Variants in FRMPD4 observed in about 807,000 individuals in gnomAD.
FRMPD4 encodes FERM and PDZ domain containing 4.
In FRMPD4, 22 loss-of-function variants were observed where a neutral mutation model predicts 94.1. The observed-to-expected ratio is 0.23, with a 90% CI of 0.17 to 0.33. The LOEUF (loss-of-function observed/expected upper bound fraction) is 0.33, where lower values mean the gene tolerates loss of function less well. Ranked by LOEUF, FRMPD4 falls within the 10% of genes least tolerant of loss-of-function variation. The probability of loss-of-function intolerance (pLI) is 1.00; values close to 1 mark genes in which losing one functional copy is unlikely to be tolerated. For synonymous variants in FRMPD4, 631 were observed against 548.6 expected, an observed-to-expected ratio of 1.15 and a Z score of -2.10; for missense variants, 1,111 against 1,339.9, an observed-to-expected ratio of 0.83 and a Z score of 2.67.
chrX:11,945,399 A>G (rs1455595749), intron 3 of FRMPD4, among the ~76,000 whole-genome samples: 1 of 112,057 alleles, frequency 8.9e-6, no homozygotes, highest in Non-Finnish European at 1.9e-5. Flanking sequence ...TTTAATCTTC[A>G]TAACAAACCT....
chrX:12,481,950 A>AAAAAAAAAAATAAAT (rs2057689392), intron 1 of FRMPD4, among the ~76,000 whole-genome samples: 4 of 88,370 alleles, frequency 4.5e-5, no homozygotes, highest in Non-Finnish European at 6.8e-5. Context: ...CTCAAAAAAA[A>AAAAAAAAAAATAAAT]AAAAAAAAAA....
At chrX:12,447,220 T>C (rs1401143968) in intron 1 of FRMPD4, among the ~76,000 whole-genome samples, 1 of 111,724 alleles carries the variant, frequency 9.0e-6, no homozygotes, top group Non-Finnish European at 1.9e-5. Context: ...CTCGGCACTG[T>C]TGATATTTGG....
intron 1 of FRMPD4, among the ~76,000 whole-genome samples, chrX:11,843,313 G>C: frequency 9.1e-6 from 1 of 110,366 alleles, no homozygotes; most frequent in East Asian, 2.8e-4. Flanking sequence ...AGTTTGTGAA[G>C]GTTTAATGCT....
chrX:12,112,297 C>G (rs1403104685), intron 3 of FRMPD4, among the ~76,000 whole-genome samples: 2 of 111,231 alleles, frequency 1.8e-5, no homozygotes, highest in African/African-American at 3.3e-5. Flanking sequence ...AACCATCATT[C>G]TCAGCAAACT....
intron 1 of FRMPD4, among the ~76,000 whole-genome samples, chrX:12,452,326 G>C (rs1030393492): frequency 8.9e-6 from 1 of 111,911 alleles, no homozygotes; most frequent in South Asian, 3.7e-4. Context: ...CATCTACTTT[G>C]TCATACATTA....
intron 1 of FRMPD4, among the ~76,000 whole-genome samples, chrX:12,407,266 C>T (rs1014734343): frequency 8.9e-6 from 1 of 111,973 alleles, no homozygotes; most frequent in African/African-American, 3.2e-5. Flanking sequence ...TCTTATTCTG[C>T]CTATCACAGC....
chrX:12,471,017 G>T (rs1316998165), intron 1 of FRMPD4, among the ~76,000 whole-genome samples: 3 of 111,853 alleles, frequency 2.7e-5, no homozygotes, highest in Non-Finnish European at 3.8e-5. Context: ...CAAATTCAAG[G>T]CTTCCTTCTC....
At chrX:12,541,109 T>A (rs1456396655) in intron 2 of FRMPD4, among the ~76,000 whole-genome samples, 2 of 112,290 alleles carry the variant, frequency 1.8e-5, no homozygotes, top group African/African-American at 6.5e-5. Flanking sequence ...GGGAAATTTA[T>A]AGCACTAAAT....
intron 3 of FRMPD4, among the ~76,000 whole-genome samples, chrX:12,020,062 C>A (rs1208579324): frequency 8.9e-6 from 1 of 111,858 alleles, no homozygotes; most frequent in Non-Finnish European, 1.9e-5. Flanking sequence ...GAACACGTGA[C>A]ATCTAGCTCC....
At chrX:11,858,105 G>T (rs1218352318) in intron 1 of FRMPD4, among the ~76,000 whole-genome samples, 1 of 111,779 alleles carries the variant, frequency 8.9e-6, no homozygotes, top group Non-Finnish European at 1.9e-5. Context: ...CACTGTTGGT[G>T]AGTGTAAATT....
chrX:12,451,319 C>T (rs1317603886), intron 1 of FRMPD4, among the ~76,000 whole-genome samples: 1 of 111,934 alleles, frequency 8.9e-6, no homozygotes, highest in African/African-American at 3.2e-5. Context: ...ATGACACTTT[C>T]CTCTTTTTCA....
At chrX:12,658,345 C>G (rs1308994624) in intron 4 of FRMPD4, among the ~76,000 whole-genome samples, 2 of 111,772 alleles carry the variant, frequency 1.8e-5, no homozygotes, top group Non-Finnish European at 3.8e-5. Flanking sequence ...TATCTTTACT[C>G]TTACGGAAAT....
At chrX:12,597,125 A>G (rs1184218452) in intron 2 of FRMPD4, among the ~76,000 whole-genome samples, 1 of 112,054 alleles carries the variant, frequency 8.9e-6, no homozygotes, top group Non-Finnish European at 1.9e-5. Flanking sequence ...ACATTAGAGT[A>G]TCATTAACAT....
chrX:12,514,620 T>G (rs2058077281), intron 2 of FRMPD4, among the ~76,000 whole-genome samples: 1 of 112,113 alleles, frequency 8.9e-6, no homozygotes, highest in Non-Finnish European at 1.9e-5. Context: ...TTGCCAGTAT[T>G]TTATTGAGGA....
intron 3 of FRMPD4, among the ~76,000 whole-genome samples, chrX:12,026,949 A>G (rs939388423): frequency 8.9e-6 from 1 of 112,273 alleles, no homozygotes; most frequent in African/African-American, 3.2e-5. Context: ...TTAGATTGAA[A>G]TGGTGACTTT....
chrX:12,422,211 C>T (rs770241621), intron 1 of FRMPD4, among the ~76,000 whole-genome samples: 89 of 112,004 alleles, frequency 7.9e-4, no homozygotes, highest in Non-Finnish European at 7.9e-4. Flanking sequence ...GGACTCAGCT[C>T]ATTATCTGGC....
rs1256422979 is a variant in FRMPD4, at chrX:12,718,339, G to A, written c.3513G>A (p.Ser1171=). ...TAGATAACCCAGAGGACGCTGACTC[G>A]TCCACCTGCGACCATCCTTCCAAGC... ...KDLDNPEDAD[S]STCDHPSKLP... The change falls in exon 16 of 17, where the codon TCG becomes TCA. Residue 1171 remains serine (S), a synonymous_variant. Coordinates refer to ENST00000675598, the MANE Select transcript of FRMPD4 (RefSeq NM_001368397.1). The A allele has an allele frequency of 7.4e-6, 9 of 1,209,963 alleles. No homozygotes were observed. Among genetic ancestry groups the A allele is most frequent in the African/African-American group, 5.2e-5 (3 of 57,210 alleles).
chrX:11,955,030 G>T (rs1176162381), intron 3 of FRMPD4, among the ~76,000 whole-genome samples: 2 of 111,517 alleles, frequency 1.8e-5, no homozygotes, highest in African/African-American at 3.3e-5. Flanking sequence ...AGACTGAAAA[G>T]TCCATGTTCA....
chrX:12,396,481 T>G (rs1446145733), intron 1 of FRMPD4, among the ~76,000 whole-genome samples: 1 of 112,366 alleles, frequency 8.9e-6, no homozygotes, highest in Non-Finnish European at 1.9e-5. Context: ...ATATTCCACG[T>G]TTTGTTTAAT....
Sources: allele counts gnomAD v4.1 joint callset (sites outside exome capture counted in the v4.1 genomes callset), GRCh38; gene constraint gnomAD v4.1.1; transcripts MANE v1.5; gene names NCBI Gene and HGNC (gene_info 2026-07-23, HGNC 2026-07-21).